TTLL10: variants seen among roughly 807,000 people sequenced by gnomAD.
The protein encoded by TTLL10 is inactive polyglycylase TTLL10.
In TTLL10, 61 loss-of-function variants were observed where a neutral mutation model predicts 69.0. The observed-to-expected ratio is 0.88, with a 90% CI of 0.72 to 1.09. The LOEUF is 1.09. Ranked by LOEUF, TTLL10 falls within the 50% of genes least tolerant of loss-of-function variation. The pLI, the probability that TTLL10 is intolerant of heterozygous loss-of-function variation, is 0.00. For synonymous variants in TTLL10, 408 were observed against 393.3 expected (o/e 1.04, Z -0.44); for missense variants, 962 against 945.9 (o/e 1.02, Z -0.22).
chr1:1,192,057 A>G (rs1027870744), intron 13 of TTLL10, among the ~76,000 whole-genome samples: 1 of 152,226 alleles, frequency 6.6e-6, no homozygotes, highest in Non-Finnish European at 1.5e-5. Context: ...GTTTATGGCC[A>G]GTCTTGGGGC....
chr1:1,179,518 G>A (rs1646975616), intron 4 of TTLL10, 139 bp from the exon 5 acceptor site: 2 of 1,403,576 alleles, frequency 1.4e-6, no homozygotes, highest in African/African-American at 1.4e-5. Context: ...GCACAGAGGG[G>A]AGCTGTCGCG....
At chr1:1,175,376 ATGC>A in intron 3 of TTLL10, 1 of 298,398 alleles carries the variant, frequency 3.4e-6, no homozygotes, top group South Asian at 3.1e-5. Flanking sequence ...AAAGCACCTG[ATGC>A]TGCTGCTTCT....
chr1:1,178,375 C>A (rs1646937257), intron 3 of TTLL10, among the ~76,000 whole-genome samples: 1 of 152,120 alleles, frequency 6.6e-6, no homozygotes, highest in South Asian at 2.1e-4. Context: ...GCCTGACCAA[C>A]ATGGAGAAAA....
intron 13 of TTLL10, chr1:1,196,242 A>C (rs1179002111): frequency 4.6e-6 from 1 of 216,108 alleles, no homozygotes; most frequent in East Asian, 1.1e-4. Flanking sequence ...TGGGGAGCAG[A>C]GGATGAAACC....
intron 13 of TTLL10, among the ~76,000 whole-genome samples, chr1:1,187,859 C>T (rs926675023): frequency 4.6e-5 from 7 of 151,566 alleles, no homozygotes; most frequent in African/African-American, 1.5e-4. Flanking sequence ...GAGTGGAGAT[C>T]GCACTGCTGC....
intron 3 of TTLL10, among the ~76,000 whole-genome samples, chr1:1,178,130 T>C (rs1336312226): frequency 2.0e-5 from 3 of 152,068 alleles, no homozygotes; most frequent in African/African-American, 7.2e-5. Flanking sequence ...GCGGGTGAGA[T>C]TGGTGCCGAG....
In TTLL10 at chr1:1,197,831, A is replaced by G; in HGVS notation, c.2006A>G (p.Glu669Gly). 2 of 1,500,438 alleles carry G rather than the reference A, an allele frequency of 1.3e-6. No homozygotes were observed. The highest frequency in any genetic ancestry group is 1.3e-5 in the South Asian group (1 of 79,186). 92.9% of individuals were successfully genotyped at this position (1,500,438 alleles called of 1,614,324 possible). ...GTAKEEREEP[E>G]NARP The stretch of plus-strand genomic sequence containing the variant: ...GCCAAGGAGGAACGCGAGGAGCCTG[A>G]GAACGCGAGGCCCTAGGGGCAGCCA... Residue 669 changes from glutamate to glycine, a missense_variant, in exon 16 of 16, where the codon GAG (glutamate) becomes GGG (glycine). Physicochemically the swap from Glu to Gly is moderately conservative, Grantham distance 98. Coordinates refer to ENST00000379289, the MANE Select transcript of TTLL10 (RefSeq NM_001130045.2).
intron 3 of TTLL10, chr1:1,175,865 T>C (rs61514045): frequency 0.032 from 12,038 of 378,900 alleles, 650 homozygotes; most frequent in African/African-American, 0.24. Context: ...GAGAGGCTGC[T>C]GCCGTGCAGG....
chr1:1,180,913 C>G, intron 8 of TTLL10, 53 bp downstream of exon 8: 1 of 1,435,862 alleles, frequency 7.0e-7, no homozygotes, highest in East Asian at 2.6e-5. Flanking sequence ...CTACGCCTGC[C>G]CCTGCCCCTG....
intron 4 of TTLL10, 88 bp downstream of exon 4, chr1:1,179,421 G>A (rs941533867): frequency 8.7e-5 from 116 of 1,334,956 alleles, no homozygotes; most frequent in Non-Finnish European, 1.1e-4. Flanking sequence ...GAAGTCAGTC[G>A]GCCTCATGGG....
At position 1,197,698 on chromosome 1, in the gene TTLL10, C is replaced by G; in HGVS notation, c.1873C>G (p.Pro625Ala). 1.3e-6 allele frequency: 2 copies of G among 1,513,768 alleles called. No homozygotes were observed. Among genetic ancestry groups the G allele is most frequent in the Non-Finnish European group, 1.8e-6 (2 of 1,136,948 alleles). 93.8% of individuals were successfully genotyped at this position (1,513,768 alleles called of 1,614,324 possible). The change falls in exon 16 of 16, where the codon CCC becomes GCC. Residue 625 changes from proline to alanine, a missense_variant. Transcript: ENST00000379289. ...CTTGGTGCCGCAGCGTCCCCGGCCA[C>G]CCGGCCCCGACCTGGACAGCGCCCA... ...PPLVPQRPRPPGPDLDSAHDG... is the reference protein window; with the variant it reads ...PPLVPQRPRPAGPDLDSAHDG...
Position 1,197,473 on chromosome 1 carries a change from G to T in TTLL10, c.1648G>T (p.Gly550Cys). The stretch of plus-strand genomic sequence containing the variant: ...CGAGACCTTCCGGAAGAGCCTGCGC[G>T]GCCAGAAGATGTTGCCTCTGCTGTC... Reference protein sequence around the residue: ...VLETFRKSLRGQKMLPLLSQR... With the variant: ...VLETFRKSLRCQKMLPLLSQR... The change falls in exon 16 of 16, where the codon GGC becomes TGC. Residue 550 changes from glycine to cysteine, a missense_variant. Transcript: ENST00000379289. The T allele has an allele frequency of 1.3e-6, 2 of 1,544,730 alleles. No homozygotes were observed.
At position 1,185,516 on chromosome 1, in the gene TTLL10, C is replaced by T; in HGVS notation, c.1401+407C>T. 9.6e-7 allele frequency: 1 copy of T among 1,040,358 alleles called. No homozygotes were observed. 64.4% of individuals were successfully genotyped at this position (1,040,358 alleles called of 1,614,324 possible). A position where few individuals can be genotyped will look rare whatever the true frequency, so the allele number is the denominator to read the frequency against. On this transcript the variant is annotated intron_variant, in intron 13 of 15. Transcript: ENST00000379289. This position sits in a 1 kb window ranked among gnomAD's most constrained non-coding sequence, Gnocchi z 6.1. The stretch of plus-strand genomic sequence containing the variant: ...CAGCAGCTGCCCGTGCAGGCCCGGA[C>T]TCTCCCTAGCTAAGGGCCATGTGCG...
rs1646819955 is a variant in TTLL10 at position 1,174,482 on chromosome 1, C to T, written c.-35C>T. ...TGCCGTCTCCTGCCGGTCTTTTCAT[C>T]TCACCAGGTAAAACGCTTATTTTAC... On this transcript the variant is annotated 5_prime_UTR_variant, in exon 3 of 16. Coordinates refer to ENST00000379289, the MANE Select transcript of TTLL10 (RefSeq NM_001130045.2). 6.6e-6 allele frequency: 1 copy of T among 152,450 alleles called. No homozygotes were observed. The highest frequency in any genetic ancestry group is 2.4e-5 in the African/African-American group (1 of 41,462). The allele number at this position is 152,450 out of a possible 1,614,324, so 9.4% of individuals were successfully genotyped here.
chr1:1,181,900 G>C lies in TTLL10; in HGVS notation c.830+85G>C. The C allele has an allele frequency of 7.5e-7, 1 of 1,332,978 alleles. No homozygotes were observed. The highest frequency in any genetic ancestry group is 1.0e-6 in the Non-Finnish European group (1 of 956,602). 82.6% of individuals were successfully genotyped at this position (1,332,978 alleles called of 1,614,324 possible). A position where few individuals can be genotyped will look rare whatever the true frequency, so the allele number is the denominator to read the frequency against. On this transcript the variant is annotated intron_variant, in intron 9 of 15. Coordinates refer to ENST00000379289, the MANE Select transcript of TTLL10 (RefSeq NM_001130045.2). The surrounding 1 kb of genome is among the most constrained non-coding windows in gnomAD (Gnocchi z 4.6). ...TCGTCTGAAAAGGAGAAAGCGGGGC[G>C]GGGGTCCCACACAAAGGAAAACCAC...
At chr1:1,195,652 C>CT (rs1485845489) in intron 13 of TTLL10, among the ~76,000 whole-genome samples, 1 of 149,846 alleles carries the variant, frequency 6.7e-6, no homozygotes, top group East Asian at 2.0e-4. Flanking sequence ...GCCCATACTT[C>CT]TTTTTTTTAG....
At chr1:1,179,556 G>A (rs1646977589) in intron 4 of TTLL10, 101 bp from the exon 5 acceptor site, 2 of 1,516,670 alleles carry the variant, frequency 1.3e-6, no homozygotes, top group African/African-American at 2.8e-5. Flanking sequence ...CCGCCTGGCT[G>A]GCACCACCCC....
Position 1,197,775 on chromosome 1 carries a change from G to A in TTLL10, c.1950G>A (p.Arg650=). The A allele has an allele frequency of 6.5e-7, 1 of 1,533,654 alleles. No homozygotes were observed. The highest frequency in any genetic ancestry group is 1.2e-5 in the South Asian group (1 of 82,766). Residue 650 remains arginine (R), a synonymous_variant, in exon 16 of 16, where the codon AGG becomes AGA. Coordinates refer to ENST00000379289, the MANE Select transcript of TTLL10 (RefSeq NM_001130045.2). Reference sequence around the variant, plus strand: ...CGGAGCAGTCGGGCACAGGCAACAGGCACCCGGCGCAAGAGCCTTCCCCGG... The same window carrying A: ...CGGAGCAGTCGGGCACAGGCAACAGACACCCGGCGCAAGAGCCTTCCCCGG... ...PGTEQSGTGN[R]HPAQEPSPGT...
intron 13 of TTLL10, among the ~76,000 whole-genome samples, chr1:1,192,096 C>G (rs968502942): frequency 9.9e-5 from 15 of 152,240 alleles, no homozygotes; most frequent in Non-Finnish European, 1.9e-4. Flanking sequence ...TGGGGGGGGG[C>G]CTGCTCCCAA....
Sources: allele counts gnomAD v4.1 joint callset (sites outside exome capture counted in the v4.1 genomes callset), GRCh38; gene constraint gnomAD v4.1.1; non-coding constraint Gnocchi (gnomAD v3.1); transcripts MANE v1.5; gene names NCBI Gene and HGNC (gene_info 2026-07-23, HGNC 2026-07-21).